Variants in MYH2 observed in about 807,000 individuals in gnomAD.
MYH2 encodes myosin heavy chain 2.
Under a neutral mutation model 228.1 loss-of-function variants are expected in MYH2, and 139 were observed. That is an observed-to-expected ratio of 0.61 (90% CI 0.53 to 0.70). The LOEUF (loss-of-function observed/expected upper bound fraction) is 0.70, where lower values mean the gene tolerates loss of function less well. Among genes scored for constraint, MYH2 ranks in the 30% least tolerant of loss-of-function variants. The pLI, the probability that MYH2 is intolerant of heterozygous loss-of-function variation, is 0.00. For missense variants in MYH2, 1,809 were observed against 2,357.5 expected (o/e 0.77, Z 4.82); for synonymous variants, 796 against 871.1 (o/e 0.91, Z 1.52).
chr17:10,537,215 T>C lies in MYH2; in HGVS notation c.1897+18A>G. ...ATTTTGTAATACCTAGAGAGTATTA[T>C]TAACATTTGAGCATTACCTCCTTCA... On this transcript the variant is annotated intron_variant, in intron 16 of 39. Coordinates refer to ENST00000245503, the MANE Select transcript of MYH2 (RefSeq NM_017534.6). The surrounding 1 kb of genome is among the most constrained non-coding windows in gnomAD (Gnocchi z 4.0). 6.2e-7 allele frequency: 1 copy of C among 1,613,924 alleles called. No individual in the cohort carries two copies. The highest frequency in any genetic ancestry group is 2.2e-5 in the East Asian group (1 of 44,892).
Position 10,523,310 on chromosome 17 carries a change from GGTAA to G in MYH2, c.5571_5574del (p.Tyr1858ArgfsTer16). The G allele has an allele frequency of 1.2e-6, 2 of 1,614,156 alleles. No individual in the cohort carries two copies. The highest frequency in any genetic ancestry group is 1.7e-6 in the Non-Finnish European group (2 of 1,180,032). ...CCGCTAAAAACTACTGGCTGTACCT[GGTAA>G]GTGAGTTCCTTCACTCGCCTCTCAT... On this transcript the variant is annotated frameshift_variant, in exon 38 of 40. Transcript: ENST00000245503. LOFTEE classifies it high-confidence loss of function.
At position 10,533,271 on chromosome 17, in the gene MYH2, C is replaced by T; in HGVS notation, c.2441+14G>A. ...TTTGAAGATGGAATATGTGAATAAACATATTTTTTATACCTTCTCTCCACC... is the reference window on the plus strand; with the variant it reads ...TTTGAAGATGGAATATGTGAATAAATATATTTTTTATACCTTCTCTCCACC... On this transcript the variant is annotated intron_variant, in intron 21 of 39. Coordinates refer to ENST00000245503, the MANE Select transcript of MYH2 (RefSeq NM_017534.6). The T allele has an allele frequency of 6.2e-7, 1 of 1,613,932 alleles. No individual in the cohort carries two copies. Among genetic ancestry groups the T allele is most frequent in the African/African-American group, 1.3e-5 (1 of 75,016 alleles).
intron 4 of MYH2, 114 bp from the exon 5 acceptor site, chr17:10,545,616 G>C: frequency 7.2e-7 from 1 of 1,388,058 alleles, no homozygotes; most frequent in African/African-American, 1.4e-5. Context: ...CCAGGCTGGA[G>C]TGCAGTGGTG....
At chr17:10,533,054 T>A (rs1043493034) in intron 21 of MYH2, among the ~76,000 whole-genome samples, 2 of 152,210 alleles carry the variant, frequency 1.3e-5, no homozygotes, top group African/African-American at 4.8e-5. Context: ...GTATTTTATC[T>A]TATTAGATAA....
At position 10,531,532 on chromosome 17, in the gene MYH2, T is replaced by A. The variant is rs138017232; in HGVS notation, c.2697+101A>T. On this transcript the variant is annotated intron_variant, in intron 22 of 39. Coordinates refer to ENST00000245503, the MANE Select transcript of MYH2 (RefSeq NM_017534.6). ...GAGTGTTTTAACCTTTTCCTTCCAA[T>A]GAGTGTCTCCCTTGCAATTACCCAA... 1.0e-2 allele frequency: 15,194 copies of A among 1,522,524 alleles called. 113 individuals carry two copies. Among genetic ancestry groups the A allele is most frequent in the Non-Finnish European group, 0.011 (12,521 of 1,098,924 alleles). 94.3% of individuals were successfully genotyped at this position (1,522,524 alleles called of 1,614,324 possible). A position where few individuals can be genotyped will look rare whatever the true frequency, so the allele number is the denominator to read the frequency against.
chr17:10,531,611 C>T (rs866750879), intron 22 of MYH2, 22 bp downstream of exon 22: 1 of 1,614,144 alleles, frequency 6.2e-7, no homozygotes, highest in Non-Finnish European at 8.5e-7. Context: ...TTAGTGATAC[C>T]AAGGGTGATA....
chr17:10,532,379 T>G (rs2073435438), intron 21 of MYH2, among the ~76,000 whole-genome samples: 1 of 152,164 alleles, frequency 6.6e-6, no homozygotes, highest in Non-Finnish European at 1.5e-5. Flanking sequence ...CAGAATTTCT[T>G]AGAAAATATC....
In MYH2 at chr17:10,528,903, G is replaced by A. The variant is rs148640299; in HGVS notation, c.3531C>T (p.Phe1177=). The A allele has an allele frequency of 3.0e-5, 49 of 1,614,204 alleles. No individual in the cohort carries two copies. The African/African-American group carries it at 6.1e-4, about 20-fold the overall frequency. ...CCTCCAGGTCCCTGCGCATTTTCTGGAACTCAGCCTCCCGCTTCTTGTTCA... is the reference window on the plus strand; with the variant it reads ...CCTCCAGGTCCCTGCGCATTTTCTGAAACTCAGCCTCCCGCTTCTTGTTCA... ...IEMNKKREAE[F]QKMRRDLEEA... Residue 1177 remains phenylalanine, a synonymous_variant, in exon 27 of 40, where the codon TTC becomes TTT. Transcript: ENST00000245503.
At chr17:10,521,501 A>G in intron 39 of MYH2, 69 bp from the exon 40 acceptor site, 1 of 1,541,616 alleles carries the variant, frequency 6.5e-7, no homozygotes, top group Non-Finnish European at 9.0e-7. Context: ...ACCTAATAGA[A>G]GAAAGGACTT....
At position 10,525,925 on chromosome 17, in the gene MYH2, T is replaced by C; in HGVS notation, c.4188-49A>G. ...GAGAGAAGTGAACCATAATATGAAT[T>C]ATGAGCTATTGCCACACACGCTGAA... On this transcript the variant is annotated intron_variant, in intron 30 of 39. Transcript: ENST00000245503. This position sits in a 1 kb window ranked among gnomAD's most constrained non-coding sequence, Gnocchi z 4.2. 1 of 1,585,832 alleles carries C rather than the reference T, an allele frequency of 6.3e-7. No individual in the cohort carries two copies. Among genetic ancestry groups the C allele is most frequent in the East Asian group, 2.2e-5 (1 of 44,582 alleles).
intron 19 of MYH2, 70 bp from the exon 20 acceptor site, chr17:10,533,702 A>T: frequency 6.4e-7 from 1 of 1,552,658 alleles, no homozygotes; most frequent in Non-Finnish European, 8.9e-7. Flanking sequence ...ACATTAAATG[A>T]TTCATTTTTT....
At position 10,539,457 on chromosome 17, in the gene MYH2, T is replaced by TGGCCA; in HGVS notation, c.1252_1253insTGGCC (p.Gln418LeufsTer5). On this transcript the variant is annotated frameshift_variant, in exon 13 of 40. Coordinates refer to ENST00000245503, the MANE Select transcript of MYH2 (RefSeq NM_017534.6). LOFTEE classifies it high-confidence loss of function. ...TTATGCACCTACCTGTTCTACAGTC[T>TGGCCA]GGCCTTTGGTGACATACTCATTGCC... 6.2e-6 allele frequency: 10 copies of TGGCCA among 1,614,200 alleles called. No homozygotes were observed. The highest frequency in any genetic ancestry group is 8.5e-6 in the Non-Finnish European group (10 of 1,180,016).
Position 10,543,762 on chromosome 17 carries a change from C to T in MYH2, c.690G>A (p.Leu230=). The T allele has an allele frequency of 1.9e-6, 3 of 1,614,182 alleles. No homozygotes were observed. The highest frequency in any genetic ancestry group is 2.2e-5 in the East Asian group (1 of 44,890). ...CGGTCTTGGCGTTGCCAAAGGCCTC[C>T]AGTAGGGGGTTGGCACTGATGATTT... The part of the protein sequence containing the change: ...EDQIISANPL[L]EAFGNAKTVR... Residue 230 remains leucine (L), a synonymous_variant, in exon 8 of 40, where the codon CTG becomes CTA. Transcript: ENST00000245503.
intron 2 of MYH2, among the ~76,000 whole-genome samples, chr17:10,548,888 G>A (rs1431982195): frequency 6.6e-6 from 1 of 152,174 alleles, no homozygotes; most frequent in Non-Finnish European, 1.5e-5. Flanking sequence ...TAGAAATGCA[G>A]TAAGTAGTGG....
Position 10,524,410 on chromosome 17 carries a change from A to G in MYH2, c.5175+56T>C, listed in dbSNP as rs2073321974. The G allele has an allele frequency of 2.5e-6, 4 of 1,609,462 alleles. No homozygotes were observed. Among genetic ancestry groups the G allele is most frequent in the Non-Finnish European group, 3.4e-6 (4 of 1,175,788 alleles). On this transcript the variant is annotated intron_variant, in intron 35 of 39. Coordinates refer to ENST00000245503, the MANE Select transcript of MYH2 (RefSeq NM_017534.6). This position sits in a 1 kb window ranked among gnomAD's most constrained non-coding sequence, Gnocchi z 4.7. Reference sequence around the variant, plus strand: ...AGCTGTCTTATGAAAACTCAGGCTTATCTATTCTGGGACATATAAAATTTA... The same window carrying G: ...AGCTGTCTTATGAAAACTCAGGCTTGTCTATTCTGGGACATATAAAATTTA...
rs114395943 is a variant in MYH2, at chr17:10,542,660, T to C, written c.904+215A>G. Among the ~76,000 whole-genome samples, 773 of 152,286 alleles carry C rather than the reference T, an allele frequency of 5.1e-3. 8 individuals carry two copies. Among genetic ancestry groups the C allele is most frequent in the African/African-American group, 0.018 (741 of 41,544 alleles). On this transcript the variant is annotated intron_variant, in intron 10 of 39. Coordinates refer to ENST00000245503, the MANE Select transcript of MYH2 (RefSeq NM_017534.6). ...AGTGTTCATGGTGGTTATTTCATAG[T>C]AGTAGGAATTAGAGATGTTATTTTC...
At chr17:10,527,992 A>T (rs1307326865) in intron 27 of MYH2, 118 bp from the exon 28 acceptor site, 1 of 1,244,630 alleles carries the variant, frequency 8.0e-7, no homozygotes, top group Non-Finnish European at 1.1e-6. Flanking sequence ...TTAATATAGA[A>T]AAGAAACCAA....
chr17:10,535,809 G>A (rs1008130543), intron 17 of MYH2, among the ~76,000 whole-genome samples: 1 of 152,088 alleles, frequency 6.6e-6, no homozygotes, highest in Admixed American at 6.6e-5. Flanking sequence ...CAATTTTTAG[G>A]GGATAGAGAT....
Position 10,545,683 on chromosome 17 carries a change from C to T in MYH2, c.349-181G>A, listed in dbSNP as rs143314620. 9.9e-4 allele frequency among the ~76,000 whole-genome samples: 151 copies of T among 152,212 alleles called. 1 individual carries two copies. In the East Asian group the frequency reaches 0.017, roughly 17 times the overall value. On this transcript the variant is annotated intron_variant, in intron 4 of 39. Transcript: ENST00000245503. ...GGGCTCAAGCAATCCTCCCACCTCA[C>T]CCTTCCAAGTAGCTGGTACTACAGG...
Sources: gnomAD v4.1 joint callset for allele counts (sites outside exome capture counted in the v4.1 genomes callset) on GRCh38, gnomAD v4.1.1 for gene constraint, Gnocchi (gnomAD v3.1) non-coding constraint, MANE v1.5 for transcripts, NCBI Gene and HGNC (gene_info 2026-07-23, HGNC 2026-07-21) for gene names.